The following ASH1L variants were observed in gnomAD, a reference collection of about 807,000 sequenced individuals.
The protein encoded by ASH1L is ASH1 like histone lysine methyltransferase, also known as histone-lysine N-methyltransferase ASH1L.
ASH1L carries 23 observed loss-of-function variants against 269.0 expected under a neutral mutation model. The ratio of observed to expected loss-of-function variants is 0.09; its 90% confidence interval spans 0.06 to 0.12. The LOEUF (loss-of-function observed/expected upper bound fraction) is 0.12. ASH1L is among the 10% of genes least tolerant of loss of function. The pLI is 1.00. For synonymous variants in ASH1L, 1,187 were observed against 1,253.5 expected, an observed-to-expected ratio of 0.95 and a Z score of 1.12; for missense variants, 2,912 against 3,567.8, an observed-to-expected ratio of 0.82 and a Z score of 4.68.
At chr1:155,423,405 C>G (rs1660876578) in intron 5 of ASH1L, among the ~76,000 whole-genome samples, 1 of 151,666 alleles carries the variant, frequency 6.6e-6, no homozygotes, top group Admixed American at 6.6e-5. Flanking sequence ...ATGGTGAAAC[C>G]CCGTCTCTAC....
intron 27 of ASH1L, 137 bp from the exon 28 acceptor site, chr1:155,337,888 A>G (rs1411902489): frequency 2.9e-6 from 3 of 1,024,506 alleles, no homozygotes; most frequent in East Asian, 2.5e-5. Context: ...CTCCAACCCT[A>G]CGTGAAAAAG....
chr1:155,392,313 T>A (rs1657995215), intron 7 of ASH1L, among the ~76,000 whole-genome samples: 1 of 152,174 alleles, frequency 6.6e-6, no homozygotes, highest in African/African-American at 2.4e-5. Context: ...TGCTTACTTG[T>A]ACTGCTAACT....
intron 4 of ASH1L, among the ~76,000 whole-genome samples, chr1:155,442,594 A>G (rs1353435084): frequency 6.6e-6 from 1 of 151,334 alleles, no homozygotes; most frequent in Non-Finnish European, 1.5e-5. Flanking sequence ...AAAAAAAAAA[A>G]AAAAAAAAAT....
chr1:155,400,802 T>G (rs1658769047), intron 6 of ASH1L, among the ~76,000 whole-genome samples: 1 of 152,184 alleles, frequency 6.6e-6, no homozygotes, highest in African/African-American at 2.4e-5. Context: ...AAACATAAAT[T>G]TACATACTTC....
chr1:155,439,111 G>A (rs747794844), intron 4 of ASH1L, 43 bp from the exon 5 acceptor site: 2 of 1,541,028 alleles, frequency 1.3e-6, no homozygotes, highest in Non-Finnish European at 1.7e-6. Context: ...ATTGGACACG[G>A]CTAGTTATTT....
chr1:155,513,571 CAAAA>C (rs767517719), intron 2 of ASH1L, among the ~76,000 whole-genome samples: 11 of 82,972 alleles, frequency 1.3e-4, no homozygotes, highest in Admixed American at 1.5e-4. Flanking sequence ...GATCCTGTAT[CAAAA>C]AAAAAAAAAA....
intron 5 of ASH1L, among the ~76,000 whole-genome samples, chr1:155,429,270 G>C (rs1346882598): frequency 6.6e-6 from 1 of 152,032 alleles, no homozygotes; most frequent in Non-Finnish European, 1.5e-5. Context: ...AATTAATTTT[G>C]TTTGTTTGTT....
chr1:155,456,562 T>C (rs907677447), intron 4 of ASH1L, among the ~76,000 whole-genome samples: 1 of 152,194 alleles, frequency 6.6e-6, no homozygotes, highest in Non-Finnish European at 1.5e-5. Flanking sequence ...TTCTTAGGTC[T>C]CCGTCCCCAT....
At chr1:155,494,342 T>C (rs1667009946) in intron 2 of ASH1L, among the ~76,000 whole-genome samples, 1 of 152,124 alleles carries the variant, frequency 6.6e-6, no homozygotes, top group African/African-American at 2.4e-5. Flanking sequence ...GGTAGGAAAA[T>C]GGACATTTTT....
intron 1 of ASH1L, among the ~76,000 whole-genome samples, chr1:155,553,801 ATT>A (rs1035973060): frequency 4.2e-5 from 6 of 144,440 alleles, no homozygotes; most frequent in Non-Finnish European, 3.1e-5. Flanking sequence ...TCCTATTAGA[ATT>A]TTTTTTTTTT....
At chr1:155,439,150 G>T in intron 4 of ASH1L, 82 bp from the exon 5 acceptor site, 1 of 1,360,658 alleles carries the variant, frequency 7.3e-7, no homozygotes, top group Non-Finnish European at 1.0e-6. Flanking sequence ...ATAAAAGGGA[G>T]TACTACTCTA....
At position 155,438,640 on chromosome 1, in the gene ASH1L, C is replaced by T; in HGVS notation, c.5515G>A (p.Ala1839Thr). ...ILKAKKLQRQ[A>T]RTGNNFVKRR... ...TTCACAAAGTTATTCCCTGTCCTGGCCTGCCTTTGAAGTTTTTTGGCTTTT... is the reference window on the plus strand; with the variant it reads ...TTCACAAAGTTATTCCCTGTCCTGGTCTGCCTTTGAAGTTTTTTGGCTTTT... The change falls in exon 5 of 28, where the codon GCC (alanine) becomes ACC (threonine). Residue 1839 changes from alanine to threonine, a missense_variant. Physicochemically the swap from Ala to Thr is moderately conservative, Grantham distance 58. This residue lies in a region of ASH1L where 789 missense variants were observed against 897.6 expected (regional missense o/e 0.88). Transcript: ENST00000392403. The T allele has an allele frequency of 6.2e-7, 1 of 1,614,220 alleles. No homozygotes were observed. The highest frequency in any genetic ancestry group is 8.5e-7 in the Non-Finnish European group (1 of 1,180,038).
In ASH1L at chr1:155,411,582, AATAAATATAT is replaced by A. The variant is rs1165062154; in HGVS notation, c.6008+4152_6008+4161del. Among the ~76,000 whole-genome samples, 189 of 48,414 alleles carry A rather than the reference AATAAATATAT, an allele frequency of 3.9e-3. 7 individuals are homozygous for A. The highest frequency in any genetic ancestry group is 0.011 in the African/African-American group (133 of 12,558). The allele number at this position is 48,414 out of a possible 152,430, so 31.8% of individuals were successfully genotyped here. ...ATATAAATATGAATATAAATAAATA[AATAAATATAT>A]ATATATATATATATATATATATATA... On this transcript the variant is annotated intron_variant, in intron 6 of 27. Transcript: ENST00000392403.
rs769680956 is a variant in ASH1L, at chr1:155,562,747, A to T, written c.-694T>A. 6 of 1,214,248 alleles carry T rather than the reference A, an allele frequency of 4.9e-6. No homozygotes were observed. The South Asian group carries it at 7.7e-5, about 16-fold the overall frequency. The allele number at this position is 1,214,248 out of a possible 1,614,324, so 75.2% of individuals were successfully genotyped here. A position where few individuals can be genotyped will look rare whatever the true frequency, so the allele number is the denominator to read the frequency against. On this transcript the variant is annotated 5_prime_UTR_variant, in exon 1 of 28. Coordinates refer to ENST00000392403, the MANE Select transcript of ASH1L (RefSeq NM_018489.3). Reference sequence around the variant, plus strand: ...CCCTCACTACCCCTCAGGCCCTGTCAAGCCGGCGCCGGCGCAGGCCCTCAC... The same window carrying T: ...CCCTCACTACCCCTCAGGCCCTGTCTAGCCGGCGCCGGCGCAGGCCCTCAC...
intron 2 of ASH1L, among the ~76,000 whole-genome samples, chr1:155,519,858 C>T (rs1668757236): frequency 6.6e-6 from 1 of 151,848 alleles, no homozygotes; most frequent in East Asian, 2.0e-4. Context: ...GGGGTTTCAT[C>T]ATGTTGGCCA....
chr1:155,393,403 A>G (rs2148479585), intron 7 of ASH1L, among the ~76,000 whole-genome samples: 1 of 152,322 alleles, frequency 6.6e-6, no homozygotes, highest in Non-Finnish European at 1.5e-5. Flanking sequence ...AGAAAACACT[A>G]CAAGACATAG....
At chr1:155,545,816 T>A (rs981777040) in intron 1 of ASH1L, among the ~76,000 whole-genome samples, 14 of 151,354 alleles carry the variant, frequency 9.2e-5, no homozygotes, top group African/African-American at 3.4e-4. Flanking sequence ...AGGTCAAGAG[T>A]TTGAGACCAG....
At chr1:155,444,552 C>T (rs982167933) in intron 4 of ASH1L, among the ~76,000 whole-genome samples, 9 of 151,978 alleles carry the variant, frequency 5.9e-5, no homozygotes, top group Non-Finnish European at 1.3e-4. Context: ...AGATCTTTTG[C>T]CGATTATTTT....
At chr1:155,520,327 T>A (rs1348529255) in intron 2 of ASH1L, 1 of 118,646 alleles carries the variant, frequency 8.4e-6, no homozygotes, top group African/African-American at 3.5e-5. Flanking sequence ...ACCACTGCAC[T>A]CCAGTCTGGG....
Sources: allele counts gnomAD v4.1 joint callset (sites outside exome capture counted in the v4.1 genomes callset), GRCh38; gene constraint gnomAD v4.1.1; regional missense constraint gnomAD v4.1.1; transcripts MANE v1.5; gene names NCBI Gene and HGNC (gene_info 2026-07-23, HGNC 2026-07-21).